Variants in ADGRD1 observed in about 807,000 individuals in gnomAD.
ADGRD1 encodes G-protein coupled receptor 133.
ADGRD1 carries 77 observed loss-of-function variants against 113.4 expected under a neutral mutation model. The observed-to-expected ratio is 0.68, with a 90% CI of 0.57 to 0.82. The LOEUF (loss-of-function observed/expected upper bound fraction) is 0.82, where lower values mean the gene tolerates loss of function less well. Among genes scored for constraint, ADGRD1 ranks in the 40% least tolerant of loss-of-function variants. The pLI is 0.00. For synonymous variants in ADGRD1, 474 were observed against 475.0 expected, an observed-to-expected ratio of 1.00 and a Z score of 0.03; for missense variants, 1,036 against 1,139.1, an observed-to-expected ratio of 0.91 and a Z score of 1.30.
At chr12:130,968,760 T>C in intron 3 of ADGRD1, 1 of 555,148 alleles carries the variant, frequency 1.8e-6, no homozygotes, top group Non-Finnish European at 3.2e-6. Flanking sequence ...CGCCCTGGTG[T>C]GGGAACTGAG....
At chr12:131,094,341 A>G (rs1887131512) in intron 15 of ADGRD1, among the ~76,000 whole-genome samples, 1 of 152,036 alleles carries the variant, frequency 6.6e-6, no homozygotes, top group East Asian at 1.9e-4. Flanking sequence ...CCCAGCATTG[A>G]CCCGTTCATG....
chr12:131,054,267 C>G (rs1883656514), intron 13 of ADGRD1, among the ~76,000 whole-genome samples: 1 of 152,234 alleles, frequency 6.6e-6, no homozygotes, highest in Non-Finnish European at 1.5e-5. Flanking sequence ...TTTGTAATCC[C>G]TGTCCCCTCC....
At chr12:131,125,102 G>C (rs1393367112) in intron 20 of ADGRD1, among the ~76,000 whole-genome samples, 1 of 152,174 alleles carries the variant, frequency 6.6e-6, no homozygotes, top group Non-Finnish European at 1.5e-5. Context: ...ATAAGTGACT[G>C]CCTAAGCCAG....
Position 131,036,738 on chromosome 12 carries a change from G to GGGGCCTCACTCACTGCACC in ADGRD1, c.1473+22431_1473+22449dup, listed in dbSNP as rs1418359056. On this transcript the variant is annotated intron_variant, in intron 13 of 24. Transcript: ENST00000261654. ...CCGCACCGGGCCTCACTCACTGCATGGGGCCTCACTCACTGCACCGGGCCT... is the reference window on the plus strand; with the variant it reads ...CCGCACCGGGCCTCACTCACTGCATGGGGCCTCACTCACTGCACCGGGCCTCACTCACTGCACCGGGCCT... Among the ~76,000 whole-genome samples the GGGGCCTCACTCACTGCACC allele has an allele frequency of 1.1e-4, 9 of 79,642 alleles. No homozygotes were observed. In the East Asian group the frequency reaches 3.1e-3, roughly 28 times the overall value. 52.2% of individuals were successfully genotyped at this position (79,642 alleles called of 152,430 possible).
At chr12:131,093,445 C>T (rs1043821000) in intron 15 of ADGRD1, among the ~76,000 whole-genome samples, 5 of 152,300 alleles carry the variant, frequency 3.3e-5, no homozygotes, top group Non-Finnish European at 4.4e-5. Context: ...TTCTAGGCCC[C>T]GTGCCCCGCG....
chr12:131,041,607 AG>A lies in ADGRD1; in HGVS notation c.1473+27269del, dbSNP rs1447709313. ...AGCAAACATCCAGTTATAGCTGGAG[AG>A]GAAGGTGTGCAGCTTAATGAGGCTC... On this transcript the variant is annotated intron_variant, in intron 13 of 24. Transcript: ENST00000261654. This position sits in a 1 kb window ranked among gnomAD's most constrained non-coding sequence, Gnocchi z 4.4. Among the ~76,000 whole-genome samples, 2 of 152,200 alleles carry A rather than the reference AG, an allele frequency of 1.3e-5. No homozygotes were observed. The highest frequency in any genetic ancestry group is 2.9e-5 in the Non-Finnish European group (2 of 68,028).
chr12:131,019,865 G>A (rs1375421406), intron 13 of ADGRD1, among the ~76,000 whole-genome samples: 2 of 70,502 alleles, frequency 2.8e-5, no homozygotes, highest in East Asian at 7.9e-4. Context: ...TCCAGGGCAG[G>A]GGGTGCTCGA....
chr12:131,024,903 GT>G (rs1429507905), intron 13 of ADGRD1, among the ~76,000 whole-genome samples: 1 of 152,224 alleles, frequency 6.6e-6, no homozygotes, highest in Non-Finnish European at 1.5e-5. Flanking sequence ...TTTCTCACTG[GT>G]CCTGAGGCCT....
In ADGRD1 at chr12:131,003,883, C is replaced by T. The variant is rs1434252808; in HGVS notation, c.1145-303C>T. Among the ~76,000 whole-genome samples, 1 of 152,204 alleles carries T rather than the reference C, an allele frequency of 6.6e-6. No homozygotes were observed. The highest frequency in any genetic ancestry group is 2.4e-5 in the African/African-American group (1 of 41,462). ...GCCGATGTCACCGCATCGCTGAGCACAGCCCATCCTTGCACCGGCCTTGAG... is the reference window on the plus strand; with the variant it reads ...GCCGATGTCACCGCATCGCTGAGCATAGCCCATCCTTGCACCGGCCTTGAG... On this transcript the variant is annotated intron_variant, in intron 10 of 24. Coordinates refer to ENST00000261654, the MANE Select transcript of ADGRD1 (RefSeq NM_198827.5). The surrounding 1 kb of genome is among the most constrained non-coding windows in gnomAD (Gnocchi z 4.8).
intron 8 of ADGRD1, among the ~76,000 whole-genome samples, chr12:130,997,805 G>A (rs369455727): frequency 4.6e-5 from 7 of 152,142 alleles, no homozygotes; most frequent in African/African-American, 2.4e-5. Flanking sequence ...ACGGGGTGGC[G>A]GCCGGGCAGA....
In ADGRD1 at chr12:130,971,648, T is replaced by A; in HGVS notation, c.310+68T>A. The A allele has an allele frequency of 6.6e-7, 1 of 1,508,042 alleles. No individual in the cohort carries two copies. The highest frequency in any genetic ancestry group is 2.0e-5 in the Admixed American group (1 of 49,158). 93.4% of individuals were successfully genotyped at this position (1,508,042 alleles called of 1,614,324 possible). A position where few individuals can be genotyped will look rare whatever the true frequency, so the allele number is the denominator to read the frequency against. The stretch of plus-strand genomic sequence containing the variant: ...TCTCAGGGAGCACCTGCTCCTCTGG[T>A]GACTGGAAGATGTGAACCTGAGGTT... On this transcript the variant is annotated intron_variant, in intron 4 of 24. Coordinates refer to ENST00000261654, the MANE Select transcript of ADGRD1 (RefSeq NM_198827.5). The surrounding 1 kb of genome is among the most constrained non-coding windows in gnomAD (Gnocchi z 4.2).
intron 13 of ADGRD1, among the ~76,000 whole-genome samples, chr12:131,015,632 G>GGAGATGGAGTTGGAGATA (rs1566031708): frequency 5.9e-5 from 9 of 151,950 alleles, no homozygotes; most frequent in South Asian, 2.1e-4. Flanking sequence ...AGTTGGAGAT[G>GGAGATGGAGTTGGAGATA]GAGATGGGAA....
In ADGRD1 at chr12:131,104,971, G is replaced by T. The variant is rs199722680; in HGVS notation, c.1775+37G>T. 176 of 1,375,980 alleles carry T rather than the reference G, an allele frequency of 1.3e-4. 1 individual carries two copies. The African/African-American group carries it at 2.3e-3, about 18-fold the overall frequency. The allele number at this position is 1,375,980 out of a possible 1,614,324, so 85.2% of individuals were successfully genotyped here. A position where few individuals can be genotyped will look rare whatever the true frequency, so the allele number is the denominator to read the frequency against. On this transcript the variant is annotated intron_variant, in intron 16 of 24. Transcript: ENST00000261654. ...TTTCTAATCCACCCAACAGTCTCTC[G>T]GCCCCTGCCTGCACCCAGATCTCAA...
chr12:131,078,034 C>T (rs891857364), intron 14 of ADGRD1, among the ~76,000 whole-genome samples: 1 of 152,210 alleles, frequency 6.6e-6, no homozygotes, highest in African/African-American at 2.4e-5. Flanking sequence ...TCAGGGCTCC[C>T]CAACACCTGG....
chr12:131,105,719 A>G (rs1415974843), intron 16 of ADGRD1, 35 bp from the exon 17 acceptor site: 1 of 1,540,548 alleles, frequency 6.5e-7, no homozygotes, highest in African/African-American at 1.4e-5. Context: ...GGGTCGGCGC[A>G]GGGCCCAGGC....
chr12:130,998,193 G>A (rs1245147524), intron 8 of ADGRD1, among the ~76,000 whole-genome samples: 1 of 151,914 alleles, frequency 6.6e-6, no homozygotes, highest in Non-Finnish European at 1.5e-5. Flanking sequence ...ACCGTGGGGA[G>A]AGGGAGGGGG....
intron 19 of ADGRD1, 44 bp downstream of exon 19, chr12:131,118,495 A>G: frequency 6.8e-7 from 1 of 1,465,766 alleles, no homozygotes; most frequent in Non-Finnish European, 9.4e-7. Context: ...CGTTCCATGG[A>G]ACAGCTTGTG....
chr12:130,975,543 A>G (rs965974182), intron 4 of ADGRD1, among the ~76,000 whole-genome samples: 2 of 152,164 alleles, frequency 1.3e-5, no homozygotes, highest in African/African-American at 4.8e-5. Flanking sequence ...ACACTCAAGC[A>G]TGTTGCTAGG....
chr12:131,011,254 C>G (rs1474393851), intron 12 of ADGRD1, among the ~76,000 whole-genome samples: 2 of 150,634 alleles, frequency 1.3e-5, no homozygotes, highest in East Asian at 2.0e-4. Flanking sequence ...GCGTCTGGCC[C>G]CATTCTCATC....
Sources: allele counts gnomAD v4.1 joint callset (sites outside exome capture counted in the v4.1 genomes callset), GRCh38; gene constraint gnomAD v4.1.1; non-coding constraint Gnocchi (gnomAD v3.1); transcripts MANE v1.5; gene names NCBI Gene and HGNC (gene_info 2026-07-23, HGNC 2026-07-21).